ERBB4: variants seen among roughly 807,000 people sequenced by gnomAD.
The protein encoded by ERBB4 is receptor tyrosine-protein kinase erbB-4.
A neutral mutation model predicts 158.0 loss-of-function variants in ERBB4; 42 were observed. The ratio of observed to expected loss-of-function variants is 0.27; its 90% CI spans 0.21 to 0.34. The LOEUF is 0.34. Among genes scored for constraint, ERBB4 ranks in the 10% least tolerant of loss-of-function variants. The pLI, the probability that ERBB4 is intolerant of heterozygous loss-of-function variation, is 1.00. For synonymous variants in ERBB4, 583 were observed against 558.7 expected (o/e 1.04, Z -0.61); for missense variants, 1,333 against 1,624.1 (o/e 0.82, Z 3.08).
chr2:212,187,885 T>A (rs1358468256), intron 1 of ERBB4, among the ~76,000 whole-genome samples: 2 of 152,140 alleles, frequency 1.3e-5, no homozygotes, highest in African/African-American at 4.8e-5. Context: ...GCTCCTAATC[T>A]GATATATGGC....
intron 19 of ERBB4, among the ~76,000 whole-genome samples, chr2:211,579,817 G>A (rs2068013421): frequency 6.6e-6 from 1 of 152,002 alleles, no homozygotes; most frequent in African/African-American, 2.4e-5. Flanking sequence ...GTTGGGGGAG[G>A]GAGAACATTA....
intron 20 of ERBB4, among the ~76,000 whole-genome samples, chr2:211,517,075 C>T (rs1268097652): frequency 6.6e-6 from 1 of 152,084 alleles, no homozygotes; most frequent in Non-Finnish European, 1.5e-5. Context: ...TACAATTTCT[C>T]CACTTGCCCC....
intron 16 of ERBB4, among the ~76,000 whole-genome samples, chr2:211,641,299 A>AT (rs1333663272): frequency 1.3e-5 from 2 of 152,058 alleles, no homozygotes; most frequent in African/African-American, 4.8e-5. Context: ...CTGATAGACT[A>AT]TATCATTTTA....
intron 2 of ERBB4, among the ~76,000 whole-genome samples, chr2:212,035,191 T>C (rs180952103): frequency 2.0e-5 from 3 of 152,344 alleles, no homozygotes; most frequent in African/African-American, 7.2e-5. Flanking sequence ...ATGAAAGGCT[T>C]TCCAGTTCCT....
chr2:212,346,913 A>T (rs1330345204), intron 1 of ERBB4, among the ~76,000 whole-genome samples: 5 of 152,118 alleles, frequency 3.3e-5, no homozygotes, highest in Non-Finnish European at 7.4e-5. Context: ...TAAAATAAAT[A>T]TTTTTCTAGG....
At chr2:212,006,532 AG>A (rs1444760173) in intron 2 of ERBB4, among the ~76,000 whole-genome samples, 1 of 152,082 alleles carries the variant, frequency 6.6e-6, no homozygotes, top group Non-Finnish European at 1.5e-5. Flanking sequence ...AAAAATTATT[AG>A]GGGGTTGGTT....
intron 25 of ERBB4, among the ~76,000 whole-genome samples, chr2:211,390,917 A>AT (rs371792093): frequency 6.6e-6 from 1 of 151,760 alleles, no homozygotes; most frequent in East Asian, 1.9e-4. Context: ...TTCTGTTTCC[A>AT]TTTTTTCAGT....
chr2:212,480,424 C>T (rs1193565847), intron 1 of ERBB4, among the ~76,000 whole-genome samples: 1 of 152,130 alleles, frequency 6.6e-6, no homozygotes, highest in Non-Finnish European at 1.5e-5. Context: ...TTCTCGGCCA[C>T]GATGGAGATT....
intron 1 of ERBB4, among the ~76,000 whole-genome samples, chr2:212,188,408 C>A (rs1258164097): frequency 6.6e-6 from 1 of 151,472 alleles, no homozygotes; most frequent in Admixed American, 6.6e-5. Context: ...ACCTCCCTCT[C>A]CCACCCGACC....
At chr2:212,010,493 C>A (rs1038675260) in intron 2 of ERBB4, among the ~76,000 whole-genome samples, 7 of 151,878 alleles carry the variant, frequency 4.6e-5, no homozygotes, top group African/African-American at 1.5e-4. Flanking sequence ...CTTCAAAGGG[C>A]AAAAAGCAGA....
At chr2:212,147,632 C>T (rs572422827) in intron 1 of ERBB4, among the ~76,000 whole-genome samples, 1 of 152,088 alleles carries the variant, frequency 6.6e-6, no homozygotes, top group Non-Finnish European at 1.5e-5. Flanking sequence ...AGGAAAGAAG[C>T]ATCTTCTCAG....
At chr2:212,370,041 G>A (rs114151850) in intron 1 of ERBB4, among the ~76,000 whole-genome samples, 2,434 of 152,268 alleles carry the variant, frequency 0.016, 36 homozygotes, top group South Asian at 0.076. Flanking sequence ...TTAGCTGATT[G>A]ACATGGTTTG....
intron 3 of ERBB4, among the ~76,000 whole-genome samples, chr2:211,843,415 G>GCACA (rs10673889): frequency 0.18 from 27,374 of 149,388 alleles, 2,768 homozygotes; most frequent in South Asian, 0.31. Context: ...GCGTGCGTGT[G>GCACA]CACACACACA....
intron 2 of ERBB4, among the ~76,000 whole-genome samples, chr2:212,002,561 G>T (rs545415771): frequency 6.6e-6 from 1 of 152,160 alleles, no homozygotes; most frequent in East Asian, 1.9e-4. Flanking sequence ...AGGTAAAAGG[G>T]CCACGTTTTG....
chr2:212,236,849 TTC>T (rs1248806492), intron 1 of ERBB4, among the ~76,000 whole-genome samples: 1 of 152,194 alleles, frequency 6.6e-6, no homozygotes, highest in Non-Finnish European at 1.5e-5. Flanking sequence ...TATTTGATTC[TTC>T]TCTCTTTTCT....
chr2:211,810,662 CTTTT>C (rs59305629), intron 3 of ERBB4, among the ~76,000 whole-genome samples: 3 of 101,522 alleles, frequency 3.0e-5, no homozygotes, highest in South Asian at 3.6e-4. Context: ...CAGTCTCTGT[CTTTT>C]TTTTTTTTTT....
intron 3 of ERBB4, among the ~76,000 whole-genome samples, chr2:211,791,355 G>T (rs2105863205): frequency 6.6e-6 from 1 of 151,946 alleles, no homozygotes; most frequent in Non-Finnish European, 1.5e-5. Flanking sequence ...TTTTATCAAA[G>T]ATTTTACAAA....
chr2:212,354,672 G>C (rs1410556025), intron 1 of ERBB4, among the ~76,000 whole-genome samples: 1 of 152,030 alleles, frequency 6.6e-6, no homozygotes, highest in Non-Finnish European at 1.5e-5. Context: ...TATTGTTCTT[G>C]AAAACCAACA....
intron 15 of ERBB4, among the ~76,000 whole-genome samples, chr2:211,664,909 C>T (rs1171599846): frequency 1.3e-5 from 2 of 152,012 alleles, no homozygotes; most frequent in African/African-American, 4.8e-5. Flanking sequence ...GAGAAATATC[C>T]TCACCTTAAG....
Sources: allele counts gnomAD v4.1 joint callset (sites outside exome capture counted in the v4.1 genomes callset), GRCh38; gene constraint gnomAD v4.1.1; transcripts MANE v1.5; gene names NCBI Gene and HGNC (gene_info 2026-07-23, HGNC 2026-07-21).